The following TBXAS1 variants were observed in gnomAD, a reference collection of about 807,000 sequenced individuals.
TBXAS1 encodes thromboxane A synthase 1, also known as thromboxane-A synthase.
A neutral mutation model predicts 60.7 loss-of-function variants in TBXAS1; 48 were observed. That is an observed-to-expected ratio of 0.79 (90% CI 0.63 to 1.01). The LOEUF is 1.01. Among genes scored for constraint, TBXAS1 ranks in the 50% least tolerant of loss-of-function variants. The probability of loss-of-function intolerance (pLI) is 0.00; values close to 1 mark genes in which losing one functional copy is unlikely to be tolerated. For synonymous variants in TBXAS1, 287 were observed against 269.7 expected, an observed-to-expected ratio of 1.06 and a Z score of -0.63; for missense variants, 685 against 686.3, an observed-to-expected ratio of 1.00 and a Z score of 0.02.
At chr7:139,848,432 T>C (rs894309166) in intron 1 of TBXAS1, among the ~76,000 whole-genome samples, 4 of 152,218 alleles carry the variant, frequency 2.6e-5, no homozygotes, top group African/African-American at 9.6e-5. Flanking sequence ...AGTTATGTGA[T>C]CTGATGTGTA....
chr7:139,888,808 G>C (rs1351827573), intron 3 of TBXAS1, among the ~76,000 whole-genome samples: 1 of 152,142 alleles, frequency 6.6e-6, no homozygotes, highest in Non-Finnish European at 1.5e-5. Context: ...CAAGTAGAGA[G>C]GACAACCTTG....
At chr7:139,965,633 T>C (rs1004843426) in intron 9 of TBXAS1, among the ~76,000 whole-genome samples, 1 of 152,020 alleles carries the variant, frequency 6.6e-6, no homozygotes, top group Non-Finnish European at 1.5e-5. Flanking sequence ...CGGATCCCTC[T>C]TCCAAGAAAA....
chr7:139,857,728 A>T (rs1585647468), intron 1 of TBXAS1, among the ~76,000 whole-genome samples: 1 of 142,856 alleles, frequency 7.0e-6, no homozygotes. Context: ...TTTTCTTCTT[A>T]ATTTTTTTTT....
In TBXAS1 at chr7:139,996,132, C is replaced by T. The variant is rs536667392; in HGVS notation, c.1135-10959C>T. Among the ~76,000 whole-genome samples the T allele has an allele frequency of 1.4e-4, 21 of 150,008 alleles. No individual in the cohort carries two copies. In the East Asian group the frequency reaches 3.7e-3, roughly 26 times the overall value. ...TACAGGTGCACACCACCATGTCTGG[C>T]ATTTTTTTTTTTTTTTTAGAGATGG... On this transcript the variant is annotated intron_variant, in intron 9 of 12. Coordinates refer to ENST00000448866, the MANE Select transcript of TBXAS1 (RefSeq NM_001061.7).
chr7:139,984,834 AGG>A, intron 9 of TBXAS1, among the ~76,000 whole-genome samples: 5 of 150,394 alleles, frequency 3.3e-5, no homozygotes, highest in African/African-American at 4.9e-5. Flanking sequence ...AGAAAGAAAG[AGG>A]AAGGAAGGAA....
chr7:139,831,492 G>T (rs1798699214), intron 1 of TBXAS1, among the ~76,000 whole-genome samples: 2 of 152,240 alleles, frequency 1.3e-5, no homozygotes, highest in African/African-American at 4.8e-5. Context: ...TCACAGGCAA[G>T]GAAAGATGGA....
At chr7:139,931,892 G>A (rs1004306424) in intron 4 of TBXAS1, among the ~76,000 whole-genome samples, 1 of 152,130 alleles carries the variant, frequency 6.6e-6, no homozygotes, top group African/African-American at 2.4e-5. Flanking sequence ...GTGTGGAGGG[G>A]TCATGGAAGC....
chr7:139,838,061 G>A (rs1281325362), intron 1 of TBXAS1, among the ~76,000 whole-genome samples: 2 of 152,134 alleles, frequency 1.3e-5, no homozygotes, highest in Non-Finnish European at 2.9e-5. Context: ...CCTTCAGCGG[G>A]CCCCCTGTCG....
intron 9 of TBXAS1, 101 bp downstream of exon 9, chr7:139,962,334 C>T: frequency 2.2e-6 from 3 of 1,380,722 alleles, no homozygotes; most frequent in Non-Finnish European, 3.1e-6. Context: ...GCTAATATCA[C>T]ATTCTAAGCT....
chr7:139,897,708 G>T (rs188679624), intron 3 of TBXAS1, among the ~76,000 whole-genome samples: 3 of 152,306 alleles, frequency 2.0e-5, no homozygotes, highest in African/African-American at 4.8e-5. Context: ...GAAAGCGCTG[G>T]TTCGGTCCAT....
chr7:139,903,938 C>T (rs1465716070), intron 3 of TBXAS1, among the ~76,000 whole-genome samples: 1 of 152,050 alleles, frequency 6.6e-6, no homozygotes, highest in Non-Finnish European at 1.5e-5. Context: ...TTTTACCGTA[C>T]AAAAGCTCTT....
chr7:139,963,505 G>A (rs1810530095), intron 9 of TBXAS1, among the ~76,000 whole-genome samples: 1 of 152,076 alleles, frequency 6.6e-6, no homozygotes, highest in African/African-American at 2.4e-5. Context: ...TATTCTTTGG[G>A]CATGGAATCT....
intron 4 of TBXAS1, among the ~76,000 whole-genome samples, chr7:139,815,831 G>T (rs953023904): frequency 6.6e-6 from 1 of 152,172 alleles, no homozygotes; most frequent in African/African-American, 2.4e-5. Context: ...TAAAGTGATG[G>T]CTAATTATTG....
intron 8 of TBXAS1, 101 bp from the exon 9 acceptor site, chr7:139,961,818 C>T: frequency 2.1e-6 from 3 of 1,453,148 alleles, no homozygotes; most frequent in East Asian, 4.8e-5. Context: ...CTGAGCTCTT[C>T]AAAAGCTATG....
intron 1 of TBXAS1, among the ~76,000 whole-genome samples, chr7:139,870,808 G>T (rs1801763496): frequency 6.6e-6 from 1 of 152,198 alleles, no homozygotes. Context: ...GACTCATTTG[G>T]CCAGGTGTGG....
intron 4 of TBXAS1, among the ~76,000 whole-genome samples, chr7:139,933,823 C>G (rs1270785735): frequency 6.6e-6 from 1 of 152,150 alleles, no homozygotes; most frequent in Non-Finnish European, 1.5e-5. Flanking sequence ...GGTTCTGAGA[C>G]TGCTTGGTCC....
At chr7:139,804,705 A>G (rs1797800613) in intron 4 of TBXAS1, among the ~76,000 whole-genome samples, 1 of 152,128 alleles carries the variant, frequency 6.6e-6, no homozygotes, top group Non-Finnish European at 1.5e-5. Context: ...ATGAGATATG[A>G]TGGTTCTATA....
At chr7:139,931,394 A>T (rs993870215) in intron 4 of TBXAS1, among the ~76,000 whole-genome samples, 1 of 152,214 alleles carries the variant, frequency 6.6e-6, no homozygotes, top group African/African-American at 2.4e-5. Context: ...TTCCTGCATG[A>T]CATACACAGT....
At chr7:139,881,466 AG>A (rs145822246) in intron 3 of TBXAS1, among the ~76,000 whole-genome samples, 2,316 of 151,444 alleles carry the variant, frequency 0.015, 34 homozygotes, top group African/African-American at 0.034. Flanking sequence ...CCCCCCCTCC[AG>A]GAGGGTAGAG....
Sources: allele counts gnomAD v4.1 joint callset (sites outside exome capture counted in the v4.1 genomes callset), GRCh38; gene constraint gnomAD v4.1.1; transcripts MANE v1.5; gene names NCBI Gene and HGNC (gene_info 2026-07-23, HGNC 2026-07-21).